Variants in PRRX2 observed in about 807,000 individuals in gnomAD.
The protein encoded by PRRX2 is paired mesoderm homeobox protein 2.
In PRRX2, 11 loss-of-function variants were observed where a neutral mutation model predicts 18.0. That is an observed-to-expected ratio of 0.61 (90% confidence interval 0.39 to 1.01). The LOEUF (loss-of-function observed/expected upper bound fraction) is 1.01, where lower values mean the gene tolerates loss of function less well. Among genes scored for constraint, PRRX2 ranks in the 50% least tolerant of loss-of-function variants. The pLI is 0.01. For synonymous variants in PRRX2, 177 were observed against 154.8 expected, an observed-to-expected ratio of 1.14 and a Z score of -1.06; for missense variants, 387 against 351.0, an observed-to-expected ratio of 1.10 and a Z score of -0.82.
chr9:129,705,247 A>T (rs1200870066), intron 1 of PRRX2, among the ~76,000 whole-genome samples: 1 of 150,464 alleles, frequency 6.6e-6, no homozygotes, highest in Non-Finnish European at 1.5e-5. Context: ...CTCCTAGTGC[A>T]GAGGGAGGTA....
chr9:129,687,720 G>A (rs1832313473), intron 1 of PRRX2, among the ~76,000 whole-genome samples: 2 of 152,218 alleles, frequency 1.3e-5, no homozygotes, highest in African/African-American at 4.8e-5. Flanking sequence ...CATCACACCC[G>A]AGATTTGGGG....
rs962304268 is a variant in PRRX2, at chr9:129,695,085, C to T, written c.260-24146C>T. Reference sequence around the variant, plus strand: ...TGATTAATCTTTTGGGGTCACCTAGCAGTCCAGGGAGAACCCCAACACCCC... The same window carrying T: ...TGATTAATCTTTTGGGGTCACCTAGTAGTCCAGGGAGAACCCCAACACCCC... On this transcript the variant is annotated intron_variant, in intron 1 of 3. Transcript: ENST00000372469. The surrounding 1 kb of genome is among the most constrained non-coding windows in gnomAD (Gnocchi z 4.8). Among the ~76,000 whole-genome samples the T allele has an allele frequency of 7.9e-5, 12 of 152,192 alleles. No individual in the cohort carries two copies. The highest frequency in any genetic ancestry group is 2.4e-4 in the African/African-American group (10 of 41,436).
intron 1 of PRRX2, among the ~76,000 whole-genome samples, chr9:129,702,957 C>A (rs1832515288): frequency 6.6e-6 from 1 of 152,260 alleles, no homozygotes; most frequent in Non-Finnish European, 1.5e-5. Flanking sequence ...GGAATAGAGT[C>A]CTGTGTGCTG....
chr9:129,700,456 A>G (rs1449361475), intron 1 of PRRX2, among the ~76,000 whole-genome samples: 1 of 151,146 alleles, frequency 6.6e-6, no homozygotes, highest in Non-Finnish European at 1.5e-5. Context: ...CAGGCTCCTG[A>G]GTAGCTGGGA....
chr9:129,687,270 A>G lies in PRRX2; in HGVS notation c.259+21144A>G, dbSNP rs554976174. Among the ~76,000 whole-genome samples the G allele has an allele frequency of 6.5e-3, 992 of 152,312 alleles. 6 individuals are homozygous for G. Among genetic ancestry groups the G allele is most frequent in the Non-Finnish European group, 0.012 (841 of 68,026 alleles). On this transcript the variant is annotated intron_variant, in intron 1 of 3. Coordinates refer to ENST00000372469, the MANE Select transcript of PRRX2 (RefSeq NM_016307.4). ...AAAGTCGGCTGCATTCAACATGCACAGATGCTTCATGGAAGGAAAGGGGCA... is the reference window on the plus strand; with the variant it reads ...AAAGTCGGCTGCATTCAACATGCACGGATGCTTCATGGAAGGAAAGGGGCA...
intron 1 of PRRX2, among the ~76,000 whole-genome samples, chr9:129,699,310 G>A (rs771320235): frequency 1.3e-5 from 2 of 152,156 alleles, no homozygotes; most frequent in African/African-American, 2.4e-5. Flanking sequence ...TGTAATCCCA[G>A]TTGCTTGGGA....
Position 129,692,106 on chromosome 9 carries a change from T to C in PRRX2, c.259+25980T>C, listed in dbSNP as rs550963438. On this transcript the variant is annotated intron_variant, in intron 1 of 3. Transcript: ENST00000372469. ...CTATACAGGTACACACCACCACGCC[T>C]GGCTAGTTTTTGTATTTTTTTTTAG... Among the ~76,000 whole-genome samples, 13 of 149,460 alleles carry C rather than the reference T, an allele frequency of 8.7e-5. No individual in the cohort carries two copies. In the East Asian group the frequency reaches 2.6e-3, roughly 30 times the overall value.
intron 1 of PRRX2, among the ~76,000 whole-genome samples, chr9:129,684,094 C>T (rs1832266370): frequency 6.6e-6 from 1 of 152,166 alleles, no homozygotes. Context: ...GTCCCTCTGG[C>T]ACTGTGCTCC....
intron 1 of PRRX2, among the ~76,000 whole-genome samples, chr9:129,702,724 C>T (rs547866097): frequency 1.3e-5 from 2 of 152,206 alleles, no homozygotes; most frequent in Non-Finnish European, 2.9e-5. Context: ...GTGTCTACTG[C>T]AGATTCCCAG....
chr9:129,676,456 C>CT (rs35893708), intron 1 of PRRX2, among the ~76,000 whole-genome samples: 5,738 of 152,282 alleles, frequency 0.038, 131 homozygotes, highest in Middle Eastern at 0.065. Context: ...GAAAGAGTAT[C>CT]TGCAATCGTG....
intron 1 of PRRX2, among the ~76,000 whole-genome samples, chr9:129,666,873 G>T (rs1391234955): frequency 6.6e-6 from 1 of 152,200 alleles, no homozygotes; most frequent in Non-Finnish European, 1.5e-5. Context: ...GGGGCCCGGT[G>T]ATCTGAAACC....
intron 1 of PRRX2, among the ~76,000 whole-genome samples, chr9:129,691,974 C>A (rs1832366495): frequency 6.7e-6 from 1 of 149,396 alleles, no homozygotes; most frequent in Non-Finnish European, 1.5e-5. Flanking sequence ...GGCAGGGTCT[C>A]ACTCTGTCAC....
chr9:129,682,936 C>CG (rs1013802474), intron 1 of PRRX2, among the ~76,000 whole-genome samples: 2 of 152,028 alleles, frequency 1.3e-5, no homozygotes, highest in African/African-American at 4.8e-5. Context: ...GAACCCCCCC[C>CG]ATCTCTACTA....
intron 1 of PRRX2, among the ~76,000 whole-genome samples, chr9:129,668,089 G>T (rs1832050178): frequency 1.3e-5 from 2 of 152,344 alleles, no homozygotes; most frequent in Admixed American, 1.3e-4. Flanking sequence ...CCCTGGCAGG[G>T]AGAGTCCCTG....
rs567817952 is a variant in PRRX2 at position 129,695,090 on chromosome 9, C to T, written c.260-24141C>T. Among the ~76,000 whole-genome samples the T allele has an allele frequency of 6.6e-6, 1 of 152,270 alleles. No homozygotes were observed. Among genetic ancestry groups the T allele is most frequent in the East Asian group, 1.9e-4 (1 of 5,176 alleles). ...AATCTTTTGGGGTCACCTAGCAGTCCAGGGAGAACCCCAACACCCCACAGG... is the reference window on the plus strand; with the variant it reads ...AATCTTTTGGGGTCACCTAGCAGTCTAGGGAGAACCCCAACACCCCACAGG... On this transcript the variant is annotated intron_variant, in intron 1 of 3. Coordinates refer to ENST00000372469, the MANE Select transcript of PRRX2 (RefSeq NM_016307.4). This position sits in a 1 kb window ranked among gnomAD's most constrained non-coding sequence, Gnocchi z 4.8.
intron 1 of PRRX2, among the ~76,000 whole-genome samples, chr9:129,674,913 G>A (rs1588161852): frequency 6.6e-6 from 1 of 152,132 alleles, no homozygotes; most frequent in Non-Finnish European, 1.5e-5. Flanking sequence ...CGTGTTCCCA[G>A]GTCCCACCCT....
chr9:129,672,960 T>C (rs1219731188), intron 1 of PRRX2, among the ~76,000 whole-genome samples: 1 of 152,194 alleles, frequency 6.6e-6, no homozygotes, highest in Non-Finnish European at 1.5e-5. Flanking sequence ...AATGTGTCAA[T>C]CCTTGAGTTC....
Position 129,685,781 on chromosome 9 carries a change from T to C in PRRX2, c.259+19655T>C, listed in dbSNP as rs1191224061. 4.6e-5 allele frequency among the ~76,000 whole-genome samples: 7 copies of C among 152,230 alleles called. No homozygotes were observed. The East Asian group carries it at 1.3e-3, about 29-fold the overall frequency. On this transcript the variant is annotated intron_variant, in intron 1 of 3. Coordinates refer to ENST00000372469, the MANE Select transcript of PRRX2 (RefSeq NM_016307.4). ...AAGGGCGTGGTTTGTGAGTCATTCATTCATTCATCCATGCAGTGTTTACTG... is the reference window on the plus strand; with the variant it reads ...AAGGGCGTGGTTTGTGAGTCATTCACTCATTCATCCATGCAGTGTTTACTG...
intron 1 of PRRX2, among the ~76,000 whole-genome samples, chr9:129,687,031 C>T (rs1832307371): frequency 6.6e-6 from 1 of 152,016 alleles, no homozygotes; most frequent in Non-Finnish European, 1.5e-5. Context: ...GCAGGGAAGC[C>T]CCCTGCAGAG....
Sources: gnomAD v4.1 joint callset for allele counts (sites outside exome capture counted in the v4.1 genomes callset) on GRCh38, gnomAD v4.1.1 for gene constraint, Gnocchi (gnomAD v3.1) non-coding constraint, MANE v1.5 for transcripts, NCBI Gene and HGNC (gene_info 2026-07-23, HGNC 2026-07-21) for gene names.